The following EXOC4 variants were observed in gnomAD, a reference collection of about 807,000 sequenced individuals.
EXOC4 encodes SEC8-like 1.
EXOC4 carries 71 observed loss-of-function variants against 107.2 expected under a neutral mutation model. That is an observed-to-expected ratio of 0.66 (90% CI 0.55 to 0.81). The LOEUF (loss-of-function observed/expected upper bound fraction) is 0.81, where lower values mean the gene tolerates loss of function less well. EXOC4 is among the 30% of genes least tolerant of loss of function. EXOC4 has a pLI of 0.00. For missense variants in EXOC4, 1,108 were observed against 1,189.6 expected, an observed-to-expected ratio of 0.93 and a Z score of 1.01; for synonymous variants, 456 against 441.2, an observed-to-expected ratio of 1.03 and a Z score of -0.42.
intron 3 of EXOC4, among the ~76,000 whole-genome samples, chr7:133,297,167 G>A (rs1794538399): frequency 1.3e-5 from 2 of 152,174 alleles, no homozygotes; most frequent in Non-Finnish European, 2.9e-5. Context: ...GTAGTTTTGG[G>A]ATACAGCTAA....
At chr7:133,387,234 T>C (rs1176039793) in intron 7 of EXOC4, among the ~76,000 whole-genome samples, 2 of 152,188 alleles carry the variant, frequency 1.3e-5, no homozygotes, top group Non-Finnish European at 2.9e-5. Context: ...TGAAGAGGTT[T>C]ACAGAAGGCA....
intron 10 of EXOC4, among the ~76,000 whole-genome samples, chr7:133,744,196 T>C (rs967610081): frequency 6.6e-6 from 1 of 151,904 alleles, no homozygotes. Flanking sequence ...AATGTAGATA[T>C]GGGGCATATT....
chr7:133,509,607 A>T (rs1252202762), intron 9 of EXOC4, among the ~76,000 whole-genome samples: 1 of 152,154 alleles, frequency 6.6e-6, no homozygotes, highest in Non-Finnish European at 1.5e-5. Context: ...GAAGCCAAGC[A>T]CTAGTAGAGC....
downstream of EXOC4, among the ~76,000 whole-genome samples, chr7:134,069,295 T>TCTTCTCCTC (rs1563112374): frequency 2.7e-5 from 1 of 37,362 alleles, no homozygotes; most frequent in East Asian, 1.6e-3. Flanking sequence ...TCCCCCTCAT[T>TCTTCTCCTC]CTCCTCCTCC....
chr7:133,911,549 G>A (rs915205825), intron 12 of EXOC4, among the ~76,000 whole-genome samples: 3 of 152,096 alleles, frequency 2.0e-5, no homozygotes, highest in East Asian at 1.9e-4. Flanking sequence ...AAATGGGATC[G>A]ATGCATATTA....
chr7:133,694,270 A>T (rs2151080246), intron 10 of EXOC4, among the ~76,000 whole-genome samples: 1 of 152,140 alleles, frequency 6.6e-6, no homozygotes, highest in East Asian at 1.9e-4. Flanking sequence ...AAAAAAAAAA[A>T]AAAAAAAAAA....
intron 7 of EXOC4, among the ~76,000 whole-genome samples, chr7:133,430,052 T>C (rs1797820280): frequency 6.6e-6 from 1 of 152,182 alleles, no homozygotes; most frequent in Non-Finnish European, 1.5e-5. Context: ...TCTTGGTACC[T>C]GAGTTTTTGT....
At chr7:133,853,845 C>T (rs1025933642) in intron 11 of EXOC4, among the ~76,000 whole-genome samples, 23 of 152,186 alleles carry the variant, frequency 1.5e-4, no homozygotes, top group Non-Finnish European at 2.6e-4. Context: ...CTTGCTGGTT[C>T]CTGTAAGCCG....
At chr7:133,396,797 G>A (rs762321132) in intron 7 of EXOC4, among the ~76,000 whole-genome samples, 13 of 152,184 alleles carry the variant, frequency 8.5e-5, no homozygotes, top group Non-Finnish European at 1.6e-4. Flanking sequence ...AATAAGCATA[G>A]TGGAGTGACT....
intron 9 of EXOC4, among the ~76,000 whole-genome samples, chr7:133,499,327 A>C (rs1799535125): frequency 6.6e-6 from 1 of 152,210 alleles, no homozygotes; most frequent in Admixed American, 6.5e-5. Context: ...AATCATGCTT[A>C]TTAAAAGTAA....
chr7:134,026,348 T>C (rs1795136896), intron 17 of EXOC4, among the ~76,000 whole-genome samples: 1 of 151,760 alleles, frequency 6.6e-6, no homozygotes, highest in Non-Finnish European at 1.5e-5. Context: ...GGAAGGACTC[T>C]TGATGGGCTC....
At chr7:133,521,641 G>A (rs936750660) in intron 9 of EXOC4, among the ~76,000 whole-genome samples, 2 of 151,374 alleles carry the variant, frequency 1.3e-5, no homozygotes, top group African/African-American at 4.9e-5. Flanking sequence ...TGTTTTTTGA[G>A]ACGGGGTCTC....
intron 7 of EXOC4, among the ~76,000 whole-genome samples, chr7:133,414,985 G>C (rs956839094): frequency 1.3e-5 from 2 of 152,054 alleles, no homozygotes; most frequent in Non-Finnish European, 2.9e-5. Context: ...TCTACTCTCT[G>C]TCTCTATGTA....
At position 133,698,587 on chromosome 7, in the gene EXOC4, A is replaced by AAT. The variant is rs112911752; in HGVS notation, c.1514+68450_1514+68451dup. Among the ~76,000 whole-genome samples the AAT allele has an allele frequency of 7.3e-3, 1,113 of 151,542 alleles. 18 individuals carry two copies. The highest frequency in any genetic ancestry group is 0.022 in the African/African-American group (905 of 41,292). On this transcript the variant is annotated intron_variant, in intron 10 of 17. Coordinates refer to ENST00000253861, the MANE Select transcript of EXOC4 (RefSeq NM_021807.4). ...CCAGAGTGGTGTCAAAAAAAAAAAA[A>AAT]ATATAGAAGATGCGATGCATATAGA...
intron 10 of EXOC4, among the ~76,000 whole-genome samples, chr7:133,718,203 G>A (rs1181980971): frequency 6.6e-6 from 1 of 152,182 alleles, no homozygotes; most frequent in African/African-American, 2.4e-5. Context: ...GGTATACTAG[G>A]TTTGGATTCT....
At chr7:133,960,883 T>C in intron 14 of EXOC4, among the ~76,000 whole-genome samples, 1 of 152,206 alleles carries the variant, frequency 6.6e-6, no homozygotes, top group Non-Finnish European at 1.5e-5. Flanking sequence ...CACAAGATGC[T>C]ATACTGCAGA....
chr7:133,456,406 G>C (rs1263452448), intron 7 of EXOC4, among the ~76,000 whole-genome samples: 1 of 152,104 alleles, frequency 6.6e-6, no homozygotes, highest in Non-Finnish European at 1.5e-5. Context: ...CGTAAACTTT[G>C]TTGCCTTTAT....
chr7:133,899,586 A>AT (rs1407344735), intron 12 of EXOC4, among the ~76,000 whole-genome samples: 2 of 152,220 alleles, frequency 1.3e-5, no homozygotes, highest in Non-Finnish European at 2.9e-5. Flanking sequence ...ATCATAGTCC[A>AT]TTTAGTCTTG....
chr7:133,477,187 T>A (rs1047652815), intron 8 of EXOC4, among the ~76,000 whole-genome samples: 3 of 152,196 alleles, frequency 2.0e-5, no homozygotes, highest in Admixed American at 6.5e-5. Flanking sequence ...TTCCATAGTT[T>A]ACATTAGAGT....
Sources: gnomAD v4.1 joint callset for allele counts (sites outside exome capture counted in the v4.1 genomes callset) on GRCh38, gnomAD v4.1.1 for gene constraint, MANE v1.5 for transcripts, NCBI Gene and HGNC (gene_info 2026-07-23, HGNC 2026-07-21) for gene names.